The following BEND5 variants were observed in gnomAD, a reference collection of about 807,000 sequenced individuals.
BEND5 encodes the protein BEN domain-containing protein 5.
Under a neutral mutation model 43.9 loss-of-function variants are expected in BEND5, and 22 were observed. The observed-to-expected ratio is 0.50, with a 90% CI of 0.36 to 0.72. BEND5 has a LOEUF of 0.72. BEND5 is among the 30% of genes least tolerant of loss of function. The pLI, the probability that BEND5 is intolerant of heterozygous loss-of-function variation, is 0.00. For missense variants in BEND5, 428 were observed against 550.6 expected (o/e 0.78, Z 2.23); for synonymous variants, 228 against 225.9 (o/e 1.01, Z -0.08).
chr1:48,776,175 GAGAC>G (rs1247016515), intron 1 of BEND5, among the ~76,000 whole-genome samples: 3 of 152,190 alleles, frequency 2.0e-5, no homozygotes, highest in African/African-American at 4.8e-5. Flanking sequence ...TAAAGGGAGA[GAGAC>G]AGACAGCTTG....
At chr1:48,732,220 A>G (rs903432757) in intron 5 of BEND5, among the ~76,000 whole-genome samples, 12 of 152,084 alleles carry the variant, frequency 7.9e-5, no homozygotes, top group African/African-American at 2.9e-4. Flanking sequence ...CTTCACAGAG[A>G]AGGAGAGGAA....
At chr1:48,737,817 C>A (rs1399903518) in intron 4 of BEND5, among the ~76,000 whole-genome samples, 4 of 152,114 alleles carry the variant, frequency 2.6e-5, no homozygotes, top group African/African-American at 9.7e-5. Flanking sequence ...TTTGACATTG[C>A]CATTTATGTC....
intron 3 of BEND5, among the ~76,000 whole-genome samples, chr1:48,749,785 C>T (rs1651373789): frequency 6.6e-6 from 1 of 152,218 alleles, no homozygotes; most frequent in Admixed American, 6.5e-5. Flanking sequence ...TACTTCTCTC[C>T]TGCCCAACTA....
intron 1 of BEND5, among the ~76,000 whole-genome samples, chr1:48,765,895 A>C (rs1048348895): frequency 2.6e-5 from 4 of 152,198 alleles, no homozygotes; most frequent in Non-Finnish European, 5.9e-5. Flanking sequence ...TTTAGTTGTT[A>C]CCAAGAGCAG....
At chr1:48,759,604 C>A (rs1230472031) in intron 2 of BEND5, among the ~76,000 whole-genome samples, 1 of 152,260 alleles carries the variant, frequency 6.6e-6, no homozygotes, top group African/African-American at 2.4e-5. Flanking sequence ...CCCAACTCCC[C>A]AGGCCCCAGC....
chr1:48,755,145 T>G (rs1271254427), intron 3 of BEND5, among the ~76,000 whole-genome samples: 1 of 152,162 alleles, frequency 6.6e-6, no homozygotes, highest in African/African-American at 2.4e-5. Context: ...CCCCCACCCT[T>G]GGGTGTGGCT....
chr1:48,755,723 G>T (rs1652446515), intron 3 of BEND5, among the ~76,000 whole-genome samples: 1 of 152,132 alleles, frequency 6.6e-6, no homozygotes, highest in East Asian at 1.9e-4. Flanking sequence ...TCTCCCTTCA[G>T]ACGCTAATCT....
At chr1:48,760,918 AC>A (rs1644224589) in intron 2 of BEND5, 1 of 154,946 alleles carries the variant, frequency 6.5e-6, no homozygotes, top group African/African-American at 2.4e-5. Context: ...CCTTCTGTGA[AC>A]CTCGTGCACT....
intron 1 of BEND5, among the ~76,000 whole-genome samples, chr1:48,766,079 A>G (rs1382618250): frequency 6.6e-6 from 1 of 152,236 alleles, no homozygotes; most frequent in African/African-American, 2.4e-5. Flanking sequence ...TAAAATTCAC[A>G]TTGAATGAAA....
At position 48,758,994 on chromosome 1, in the gene BEND5, C is replaced by T. The variant is rs759453573; in HGVS notation, c.651G>A (p.Lys217=). ...ACACAAGTGCCCCGTACTCCTTGAGCTTCTTGGCCTGTTGTACCAGCTGCC... is the reference window on the plus strand; with the variant it reads ...ACACAAGTGCCCCGTACTCCTTGAGTTTCTTGGCCTGTTGTACCAGCTGCC... ...TRRQLVQQAK[K]LKEYGALVSE... The change falls in exon 3 of 6, where the codon AAG becomes AAA. Residue 217 remains lysine, a synonymous_variant. Coordinates refer to ENST00000371833, the MANE Select transcript of BEND5 (RefSeq NM_024603.4). 8 of 1,613,738 alleles carry T rather than the reference C, an allele frequency of 5.0e-6. No homozygotes were observed. In the East Asian group the frequency reaches 1.6e-4, roughly 31 times the overall value.
intron 5 of BEND5, among the ~76,000 whole-genome samples, chr1:48,730,847 G>A (rs1197987817): frequency 6.6e-6 from 1 of 152,130 alleles, no homozygotes; most frequent in African/African-American, 2.4e-5. Flanking sequence ...GCAATGCTGA[G>A]GCTCATTTAG....
At chr1:48,738,456 T>G (rs1649411729) in intron 4 of BEND5, among the ~76,000 whole-genome samples, 1 of 152,170 alleles carries the variant, frequency 6.6e-6, no homozygotes, top group Admixed American at 6.5e-5. Flanking sequence ...AGTGTGGCCT[T>G]TTCTCCGCAG....
chr1:48,763,003 A>G (rs962512488), intron 1 of BEND5, among the ~76,000 whole-genome samples: 1 of 152,162 alleles, frequency 6.6e-6, no homozygotes, highest in Non-Finnish European at 1.5e-5. Context: ...CCTGCTACAC[A>G]CTGAACATTC....
Position 48,727,800 on chromosome 1 carries a change from G to A in BEND5, c.*86C>T, listed in dbSNP as rs896174475. ...TCCCTGCACACACACCACCATGCAC[G>A]GTGGGGTCTGATTTGGACGGCACCA... is the stretch of plus-strand genomic sequence containing the variant. On this transcript the variant is annotated 3_prime_UTR_variant, in exon 6 of 6. Transcript: ENST00000371833. 84 of 1,326,634 alleles carry A rather than the reference G, an allele frequency of 6.3e-5. No homozygotes were observed. The highest frequency in any genetic ancestry group is 2.8e-4 in the Admixed American group (15 of 54,422). 82.2% of individuals were successfully genotyped at this position (1,326,634 alleles called of 1,614,324 possible). A position where few individuals can be genotyped will look rare whatever the true frequency, so the allele number is the denominator to read the frequency against.
chr1:48,757,744 A>G (rs371639908), intron 3 of BEND5, among the ~76,000 whole-genome samples: 4 of 152,240 alleles, frequency 2.6e-5, no homozygotes, highest in East Asian at 3.8e-4. Flanking sequence ...ATGAAGCTTC[A>G]TATCTAAATA....
chr1:48,752,134 A>C (rs913302130), intron 3 of BEND5, among the ~76,000 whole-genome samples: 1 of 152,198 alleles, frequency 6.6e-6, no homozygotes, highest in Non-Finnish European at 1.5e-5. Flanking sequence ...CCTTACCTCC[A>C]CAAGGGAGAT....
At chr1:48,735,731 C>A (rs1648937822) in intron 5 of BEND5, among the ~76,000 whole-genome samples, 1 of 152,070 alleles carries the variant, frequency 6.6e-6, no homozygotes, top group African/African-American at 2.4e-5. Context: ...CTGCTCCAGG[C>A]ACAATGCTAG....
chr1:48,729,275 A>G (rs114137518), intron 5 of BEND5, among the ~76,000 whole-genome samples: 544 of 152,352 alleles, frequency 3.6e-3, no homozygotes, highest in Admixed American at 6.9e-3. Context: ...TTAAGTAAAC[A>G]TATGTTAAAT....
In BEND5 at chr1:48,776,776, G is replaced by C. The variant is rs749886812; in HGVS notation, c.56C>G (p.Ser19Trp). The C allele has an allele frequency of 3.3e-6, 5 of 1,524,320 alleles. No individual in the cohort carries two copies. The highest frequency in any genetic ancestry group is 4.4e-6 in the Non-Finnish European group (5 of 1,136,370). 94.4% of individuals were successfully genotyped at this position (1,524,320 alleles called of 1,614,324 possible). A position where few individuals can be genotyped will look rare whatever the true frequency, so the allele number is the denominator to read the frequency against. Residue 19 changes from serine to tryptophan, a missense_variant, in exon 1 of 6, where the codon TCG (serine) becomes TGG (tryptophan). This residue lies in a region of BEND5 where 107 missense variants were observed against 98.8 expected (regional missense o/e 1.08). Coordinates refer to ENST00000371833, the MANE Select transcript of BEND5 (RefSeq NM_024603.4). ...EDNVCYALPV[S>W]CVRDFSPRSR... ...GCGGGGGCTGAAGTCGCGCACGCAC[G>C]ACACGGGCAGCGCGTAGCAGACGTT...
Sources: allele counts gnomAD v4.1 joint callset (sites outside exome capture counted in the v4.1 genomes callset), GRCh38; gene constraint gnomAD v4.1.1; regional missense constraint gnomAD v4.1.1; transcripts MANE v1.5; gene names NCBI Gene and HGNC (gene_info 2026-07-23, HGNC 2026-07-21).